The following RFT1 variants were observed in gnomAD, a reference collection of about 807,000 sequenced individuals.
The protein encoded by RFT1 is RFT1 glycolipid translocator homolog.
A neutral mutation model predicts 62.2 loss-of-function variants in RFT1; 43 were observed. That is an observed-to-expected ratio of 0.69 (90% CI 0.54 to 0.89). The LOEUF (loss-of-function observed/expected upper bound fraction) is 0.89. Ranked by LOEUF, RFT1 falls within the 40% of genes least tolerant of loss-of-function variation. RFT1 has a pLI of 0.00. For synonymous variants in RFT1, 262 were observed against 264.6 expected, an observed-to-expected ratio of 0.99 and a Z score of 0.10; for missense variants, 605 against 649.9, an observed-to-expected ratio of 0.93 and a Z score of 0.75.
chr3:53,093,590 G>C (rs1265059724), intron 11 of RFT1, among the ~76,000 whole-genome samples: 1 of 152,110 alleles, frequency 6.6e-6, no homozygotes, highest in Non-Finnish European at 1.5e-5. Context: ...CCACCACCCA[G>C]ATTCTGCACA....
downstream of RFT1, among the ~76,000 whole-genome samples, chr3:53,087,546 G>T (rs555046705): frequency 6.0e-5 from 9 of 151,120 alleles, no homozygotes; most frequent in South Asian, 4.2e-4. Flanking sequence ...TTTTTGGAGT[G>T]GGGGGACAGG....
chr3:53,080,154 G>T, the RFT1 span, among the ~76,000 whole-genome samples: 3 of 152,238 alleles, frequency 2.0e-5, no homozygotes, highest in East Asian at 1.9e-4. Context: ...ATCTAAGGCT[G>T]ATGGGAAATA....
intron 11 of RFT1, among the ~76,000 whole-genome samples, chr3:53,098,136 T>G (rs1290537319): frequency 6.6e-6 from 1 of 152,224 alleles, no homozygotes; most frequent in African/African-American, 2.4e-5. Flanking sequence ...CAGTGCTCCG[T>G]GTCGTTTTTA....
intron 6 of RFT1, among the ~76,000 whole-genome samples, chr3:53,115,652 A>C (rs1211278248): frequency 6.6e-6 from 1 of 152,204 alleles, no homozygotes; most frequent in African/African-American, 2.4e-5. Flanking sequence ...GCACTGAGCA[A>C]ATTTTCTTTC....
At chr3:53,076,880 G>C in the RFT1 span, among the ~76,000 whole-genome samples, 1 of 151,852 alleles carries the variant, frequency 6.6e-6, no homozygotes, top group Non-Finnish European at 1.5e-5. Context: ...CCAGGAGTTT[G>C]AGGCTGCAGT....
intron 10 of RFT1, chr3:53,103,129 C>G (rs2107105955): frequency 1.0e-6 from 1 of 985,456 alleles, no homozygotes; most frequent in South Asian, 4.7e-5. Context: ...GGCCCTTCCT[C>G]CCCTAACACC....
chr3:53,125,622 C>T (rs762627523), intron 2 of RFT1, among the ~76,000 whole-genome samples: 48 of 152,236 alleles, frequency 3.2e-4, no homozygotes, highest in Non-Finnish European at 5.9e-5. Flanking sequence ...GAATTACTCC[C>T]ACTCTTCTCC....
rs760128100 is a variant in RFT1, at chr3:53,120,012, T to C, written c.568A>G (p.Thr190Ala). 60 of 1,593,936 alleles carry C rather than the reference T, an allele frequency of 3.8e-5. No individual in the cohort carries two copies. Among genetic ancestry groups the C allele is most frequent in the Non-Finnish European group, 5.1e-5 (60 of 1,173,476 alleles). Residue 190 changes from threonine (T) to alanine (A), a missense_variant, in exon 6 of 13, where the codon ACC becomes GCC. Physicochemically the swap from Thr to Ala is moderately conservative, Grantham distance 58. Coordinates refer to ENST00000296292, the MANE Select transcript of RFT1 (RefSeq NM_052859.4). The stretch of plus-strand genomic sequence containing the variant: ...ACATAGCAGAGCACCAGAACTGTGG[T>C]ATAGAAAAGCTGAGAAAAAAAATAA... ...YIFSLAQLFYTTVLVLCYVIY... is the reference protein window; with the variant it reads ...YIFSLAQLFYATVLVLCYVIY...
chr3:53,099,272 A>G, intron 11 of RFT1, 109 bp downstream of exon 11: 2 of 872,744 alleles, frequency 2.3e-6, no homozygotes, highest in Non-Finnish European at 3.8e-6. Context: ...TGTTGCCTCT[A>G]AAACAGCCAT....
intron 7 of RFT1, among the ~76,000 whole-genome samples, chr3:53,108,058 T>G (rs975313641): frequency 1.3e-5 from 2 of 152,310 alleles, no homozygotes; most frequent in East Asian, 1.9e-4. Flanking sequence ...TTGTTGTGGT[T>G]GTTGTTTTGA....
In RFT1 at chr3:53,094,385, A is replaced by T. The variant is rs980411668; in HGVS notation, c.1209-1767T>A. Among the ~76,000 whole-genome samples, 9 of 146,102 alleles carry T rather than the reference A, an allele frequency of 6.2e-5. No individual in the cohort carries two copies. The South Asian group carries it at 6.6e-4, about 11-fold the overall frequency. On this transcript the variant is annotated intron_variant, in intron 11 of 12. Coordinates refer to ENST00000296292, the MANE Select transcript of RFT1 (RefSeq NM_052859.4). Reference sequence around the variant, plus strand: ...CACACACACACACACACACACACACACTCTCACACACAATACTATACTCCA... The same window carrying T: ...CACACACACACACACACACACACACTCTCTCACACACAATACTATACTCCA...
intron 11 of RFT1, among the ~76,000 whole-genome samples, chr3:53,098,646 C>CA (rs1270451210): frequency 2.0e-4 from 31 of 151,808 alleles, no homozygotes; most frequent in East Asian, 1.9e-4. Context: ...ACTAAAAATA[C>CA]AAAAAATTAG....
chr3:53,076,631 C>T, the RFT1 span, among the ~76,000 whole-genome samples: 1 of 152,084 alleles, frequency 6.6e-6, no homozygotes, highest in Non-Finnish European at 1.5e-5. Context: ...GCTATCAGCT[C>T]ATTTTCCATA....
At chr3:53,069,049 C>T in the RFT1 span, among the ~76,000 whole-genome samples, 1 of 152,246 alleles carries the variant, frequency 6.6e-6, no homozygotes, top group African/African-American at 2.4e-5. Flanking sequence ...ATGCGATTCT[C>T]CTGCCTCAGC....
At chr3:53,119,724 A>T (rs575638446) in intron 6 of RFT1, among the ~76,000 whole-genome samples, 160 bp downstream of exon 6, 1 of 152,364 alleles carries the variant, frequency 6.6e-6, no homozygotes, top group Admixed American at 6.5e-5. Flanking sequence ...CACAGTGCAA[A>T]GATTTAGAAA....
At chr3:53,107,261 G>A (rs532994596) in intron 7 of RFT1, among the ~76,000 whole-genome samples, 2 of 150,882 alleles carry the variant, frequency 1.3e-5, no homozygotes, top group Admixed American at 6.6e-5. Context: ...TCAGTCTCCC[G>A]AGCAGCTGGG....
chr3:53,129,881 G>A (rs575875001), intron 1 of RFT1, among the ~76,000 whole-genome samples: 8 of 152,270 alleles, frequency 5.3e-5, no homozygotes, highest in African/African-American at 1.9e-4. Flanking sequence ...CTTGTCCTGG[G>A]TCACGGAGCA....
intron 10 of RFT1, chr3:53,103,745 C>T (rs1407981457): frequency 1.6e-6 from 1 of 614,754 alleles, no homozygotes; most frequent in Non-Finnish European, 2.9e-6. Context: ...GCTGGGGAAG[C>T]TGATTGTCCT....
intron 8 of RFT1, 67 bp from the exon 9 acceptor site, chr3:53,105,870 T>A: frequency 7.8e-7 from 1 of 1,290,196 alleles, no homozygotes; most frequent in Non-Finnish European, 1.1e-6. Context: ...ATAGCACTAT[T>A]AAAATTATTT....
Sources: allele counts gnomAD v4.1 joint callset (sites outside exome capture counted in the v4.1 genomes callset), GRCh38; gene constraint gnomAD v4.1.1; transcripts MANE v1.5; gene names NCBI Gene and HGNC (gene_info 2026-07-23, HGNC 2026-07-21).